RYR2: variants seen among roughly 807,000 people sequenced by gnomAD.
RYR2 encodes ryanodine receptor 2, also known as cardiac muscle ryanodine receptor-calcium release channel.
Under a neutral mutation model 601.1 loss-of-function variants are expected in RYR2, and 227 were observed. That is an observed-to-expected ratio of 0.38 (90% CI 0.34 to 0.42). The LOEUF (loss-of-function observed/expected upper bound fraction) is 0.42, where lower values mean the gene tolerates loss of function less well. RYR2 is among the 10% of genes least tolerant of loss of function. The pLI, the probability that RYR2 is intolerant of heterozygous loss-of-function variation, is 1.00. For missense variants in RYR2, 4,646 were observed against 6,156.5 expected, an observed-to-expected ratio of 0.75 and a Z score of 8.21; for synonymous variants, 2,223 against 2,175.1, an observed-to-expected ratio of 1.02 and a Z score of -0.61.
At position 237,137,968 on chromosome 1, in the gene RYR2, A is replaced by T. The variant is rs183702868; in HGVS notation, c.48+95399A>T. 3.9e-5 allele frequency among the ~76,000 whole-genome samples: 6 copies of T among 152,254 alleles called. No individual in the cohort carries two copies. The East Asian group carries it at 7.7e-4, about 20-fold the overall frequency. ...TAGCCACTATCCCAACTTTTGTGAT[A>T]ATCATTTATTTGTGTTACTTTTTAA... On this transcript the variant is annotated intron_variant, in intron 1 of 104. Coordinates refer to ENST00000366574, the MANE Select transcript of RYR2 (RefSeq NM_001035.3).
At chr1:237,127,777 C>G (rs1171279962) in intron 1 of RYR2, among the ~76,000 whole-genome samples, 1 of 150,302 alleles carries the variant, frequency 6.7e-6, no homozygotes, top group East Asian at 2.0e-4. Context: ...TCCTCACATC[C>G]CAGACAATGG....
intron 1 of RYR2, among the ~76,000 whole-genome samples, chr1:237,071,887 G>A (rs1020004813): frequency 2.6e-5 from 4 of 152,348 alleles, no homozygotes; most frequent in African/African-American, 7.2e-5. Context: ...TGAGGCGGCG[G>A]GGGTGCTGGT....
intron 25 of RYR2, among the ~76,000 whole-genome samples, chr1:237,545,480 T>G (rs1388372747): frequency 6.6e-6 from 1 of 152,172 alleles, no homozygotes; most frequent in African/African-American, 2.4e-5. Context: ...ATATCGAAAC[T>G]TCATCATCTG....
intron 2 of RYR2, among the ~76,000 whole-genome samples, chr1:237,303,393 G>A (rs569408729): frequency 1.4e-5 from 2 of 143,184 alleles, no homozygotes; most frequent in South Asian, 2.2e-4. Flanking sequence ...TCTGCCTCTC[G>A]GGTTCAAGTG....
intron 29 of RYR2, among the ~76,000 whole-genome samples, chr1:237,575,659 G>T (rs1367605848): frequency 2.6e-5 from 4 of 152,064 alleles, no homozygotes; most frequent in Non-Finnish European, 5.9e-5. Context: ...TATCAAGCAT[G>T]ACACAGACAC....
Position 237,591,803 on chromosome 1 carries a change from G to A in RYR2, c.4225G>A (p.Val1409Ile), listed in dbSNP as rs963065971. 6.2e-7 allele frequency: 1 copy of A among 1,613,736 alleles called. No individual in the cohort carries two copies. Reference protein sequence around the residue: ...TSHSARLTEDVLADDRDDYDF... With the variant: ...TSHSARLTEDILADDRDDYDF... ...CCATTCTGCAAGACTCACCGAAGAT[G>A]TCCTTGCTGATGATCGGGATGACTA... The change falls in exon 32 of 105, where the codon GTC becomes ATC. Residue 1409 changes from valine (V) to isoleucine (I), a missense_variant. Physicochemically the swap from Val to Ile is conservative, Grantham distance 29. Transcript: ENST00000366574.
intron 10 of RYR2, among the ~76,000 whole-genome samples, chr1:237,404,295 A>T (rs557327870): frequency 6.6e-6 from 1 of 152,254 alleles, no homozygotes; most frequent in South Asian, 2.1e-4. Context: ...TCATTACAAC[A>T]CTGGCACATG....
intron 10 of RYR2, among the ~76,000 whole-genome samples, chr1:237,406,299 C>T (rs1321510902): frequency 2.7e-5 from 4 of 148,042 alleles, no homozygotes; most frequent in African/African-American, 7.5e-5. Flanking sequence ...TCGTGTCTTT[C>T]TTACCATGTC....
At chr1:237,239,471 A>G (rs957936594) in intron 1 of RYR2, among the ~76,000 whole-genome samples, 2 of 152,166 alleles carry the variant, frequency 1.3e-5, no homozygotes, top group African/African-American at 2.4e-5. Flanking sequence ...TGCCATTTGC[A>G]TAGCACATGA....
At chr1:237,539,934 A>G (rs1572785088) in intron 25 of RYR2, among the ~76,000 whole-genome samples, 1 of 152,134 alleles carries the variant, frequency 6.6e-6, no homozygotes, top group Admixed American at 6.5e-5. Context: ...TTAAATAGCC[A>G]ATTTCTGATA....
intron 3 of RYR2, among the ~76,000 whole-genome samples, chr1:237,336,253 C>G (rs1167421417): frequency 6.6e-6 from 1 of 152,012 alleles, no homozygotes; most frequent in Non-Finnish European, 1.5e-5. Flanking sequence ...AAAATCATTT[C>G]AAAATTTTTT....
chr1:237,115,272 G>C (rs7524399), intron 1 of RYR2, among the ~76,000 whole-genome samples: 1 of 151,922 alleles, frequency 6.6e-6, no homozygotes, highest in South Asian at 2.1e-4. Context: ...GGCAGCCCCT[G>C]CTCTTGGGGC....
intron 1 of RYR2, among the ~76,000 whole-genome samples, chr1:237,267,409 A>C (rs1432836911): frequency 6.6e-6 from 1 of 152,182 alleles, no homozygotes; most frequent in African/African-American, 2.4e-5. Flanking sequence ...AGTCCCAGCT[A>C]CTTGAGAAGC....
At chr1:237,460,205 A>T (rs567861214) in intron 16 of RYR2, among the ~76,000 whole-genome samples, 3 of 152,308 alleles carry the variant, frequency 2.0e-5, no homozygotes, top group Non-Finnish European at 4.4e-5. Flanking sequence ...AAAGTGAAAG[A>T]GGGCTTGTTC....
At chr1:237,599,591 C>T (rs561339343) in intron 34 of RYR2, among the ~76,000 whole-genome samples, 142 of 152,012 alleles carry the variant, frequency 9.3e-4, no homozygotes, top group South Asian at 3.7e-3. Flanking sequence ...GAGGCCGAGG[C>T]GGGTGGATCA....
At chr1:237,588,832 C>CA (rs66518954) in intron 29 of RYR2, among the ~76,000 whole-genome samples, 6 of 146,960 alleles carry the variant, frequency 4.1e-5, no homozygotes, top group African/African-American at 1.5e-4. Flanking sequence ...GACTCCGTCT[C>CA]AAAAAAAAAA....
intron 3 of RYR2, among the ~76,000 whole-genome samples, chr1:237,345,737 A>G (rs1308400889): frequency 6.7e-6 from 1 of 149,556 alleles, no homozygotes; most frequent in Non-Finnish European, 1.5e-5. Flanking sequence ...TCTAAGCTGA[A>G]TATTTTCTAA....
In RYR2 at chr1:237,167,706, TC is replaced by T. The variant is rs1169964121; in HGVS notation, c.49-102789del. Among the ~76,000 whole-genome samples the T allele has an allele frequency of 3.7e-4, 48 of 130,234 alleles. 1 individual carries two copies. In the East Asian group the frequency reaches 0.011, roughly 29 times the overall value. 85.4% of individuals were successfully genotyped at this position (130,234 alleles called of 152,430 possible). ...TGAACTGATGTCTGATTGATCCACC[TC>T]CTTTTTTTTTTTTTTTTTTTTTTTT... On this transcript the variant is annotated intron_variant, in intron 1 of 104. Transcript: ENST00000366574.
At chr1:237,166,134 G>A (rs1015271636) in intron 1 of RYR2, among the ~76,000 whole-genome samples, 1 of 152,156 alleles carries the variant, frequency 6.6e-6, no homozygotes, top group African/African-American at 2.4e-5. Context: ...GTTTATCTAC[G>A]TGTGTGTTTC....
Sources: gnomAD v4.1 joint callset for allele counts (sites outside exome capture counted in the v4.1 genomes callset) on GRCh38, gnomAD v4.1.1 for gene constraint, MANE v1.5 for transcripts, NCBI Gene and HGNC (gene_info 2026-07-23, HGNC 2026-07-21) for gene names.